Variants in DAB1 observed in about 807,000 individuals in gnomAD.
DAB1 encodes disabled homolog 1.
In DAB1, 15 loss-of-function variants were observed where a neutral mutation model predicts 64.6. The ratio of observed to expected loss-of-function variants is 0.23; its 90% CI spans 0.16 to 0.36. The LOEUF (loss-of-function observed/expected upper bound fraction) is 0.36. DAB1 is among the 10% of genes least tolerant of loss of function. The probability of loss-of-function intolerance (pLI) is 1.00; values close to 1 mark genes in which losing one functional copy is unlikely to be tolerated. For synonymous variants in DAB1, 235 were observed against 251.9 expected, an observed-to-expected ratio of 0.93 and a Z score of 0.64; for missense variants, 596 against 706.7, an observed-to-expected ratio of 0.84 and a Z score of 1.78.
intron 2 of DAB1, among the ~76,000 whole-genome samples, chr1:58,510,935 T>C (rs913759744): frequency 1.3e-5 from 2 of 151,808 alleles, no homozygotes; most frequent in African/African-American, 4.8e-5. Context: ...CCTTCTACAC[T>C]AAAAAGTATC....
chr1:57,189,790 C>T (rs1011161973), intron 2 of DAB1, among the ~76,000 whole-genome samples: 5 of 149,924 alleles, frequency 3.3e-5, no homozygotes, highest in African/African-American at 1.2e-4. Flanking sequence ...AACTCGGGTA[C>T]ATGGCCAGCT....
At chr1:57,448,769 GACAC>G (rs59445697) in intron 7 of DAB1, among the ~76,000 whole-genome samples, 107,953 of 150,398 alleles carry the variant, frequency 0.72, 40,418 homozygotes, top group Non-Finnish European at 0.82. Context: ...TAGCAATTCT[GACAC>G]ACACACACAC....
chr1:58,015,769 C>T (rs545365470), intron 5 of DAB1, among the ~76,000 whole-genome samples: 2 of 152,060 alleles, frequency 1.3e-5, no homozygotes, highest in Non-Finnish European at 1.5e-5. Flanking sequence ...AATGTGTGGT[C>T]GGGATTGAGA....
chr1:58,058,086 G>A (rs1439619369), intron 5 of DAB1, among the ~76,000 whole-genome samples: 1 of 151,956 alleles, frequency 6.6e-6, no homozygotes, highest in Non-Finnish European at 1.5e-5. Flanking sequence ...TTGCACTGTA[G>A]GATTTGTGAG....
chr1:57,019,569 G>A (rs689342), intron 11 of DAB1, among the ~76,000 whole-genome samples: 8,211 of 152,266 alleles, frequency 0.054, 321 homozygotes, highest in East Asian at 0.15. Context: ...GGCTCTCCTC[G>A]GCCTGTGAGT....
At chr1:58,225,800 G>C (rs558411418) in intron 4 of DAB1, among the ~76,000 whole-genome samples, 1 of 74,570 alleles carries the variant, frequency 1.3e-5, no homozygotes, top group African/African-American at 4.8e-5. Context: ...ATCACACACC[G>C]GGCCTGTTGT....
intron 4 of DAB1, among the ~76,000 whole-genome samples, chr1:58,206,232 C>T (rs1658273776): frequency 6.6e-6 from 1 of 152,140 alleles, no homozygotes; most frequent in Non-Finnish European, 1.5e-5. Flanking sequence ...CGGGACAACT[C>T]TAACTGGGAA....
At chr1:57,781,312 A>T (rs531002451) in intron 6 of DAB1, among the ~76,000 whole-genome samples, 12 of 151,800 alleles carry the variant, frequency 7.9e-5, no homozygotes, top group African/African-American at 2.9e-4. Flanking sequence ...CATTTAGGCT[A>T]CTTTCACTTA....
intron 5 of DAB1, among the ~76,000 whole-genome samples, chr1:58,143,758 G>A (rs985414445): frequency 1.3e-5 from 2 of 152,166 alleles, no homozygotes; most frequent in African/African-American, 2.4e-5. Flanking sequence ...GCATGGCAAA[G>A]GGTTTCACTT....
chr1:57,985,811 A>C (rs1408802165), intron 5 of DAB1, among the ~76,000 whole-genome samples: 1 of 152,098 alleles, frequency 6.6e-6, no homozygotes, highest in Non-Finnish European at 1.5e-5. Context: ...AAGCACAGAG[A>C]CTCAAATGCT....
chr1:57,386,868 T>C (rs542569814), intron 1 of DAB1: 2 of 152,282 alleles, frequency 1.3e-5, no homozygotes, highest in Admixed American at 1.3e-4. Flanking sequence ...TGTAGAATGA[T>C]TCTGCTTTAT....
At chr1:57,149,288 T>A (rs1413680961) in intron 2 of DAB1, among the ~76,000 whole-genome samples, 1 of 152,198 alleles carries the variant, frequency 6.6e-6, no homozygotes, top group Non-Finnish European at 1.5e-5. Context: ...GCTATGAACA[T>A]TTGTGTACAA....
chr1:57,456,883 G>T (rs547946592), intron 7 of DAB1, among the ~76,000 whole-genome samples: 1 of 152,082 alleles, frequency 6.6e-6, no homozygotes, highest in East Asian at 1.9e-4. Flanking sequence ...ACCCATTTTT[G>T]AAAGAGAAAA....
At chr1:57,806,220 G>A (rs1331150808) in intron 6 of DAB1, among the ~76,000 whole-genome samples, 1 of 152,008 alleles carries the variant, frequency 6.6e-6, no homozygotes, top group East Asian at 1.9e-4. Context: ...TCTTGCTTTG[G>A]GGCCTGTTAT....
intron 2 of DAB1, among the ~76,000 whole-genome samples, chr1:57,275,671 C>T (rs1430825668): frequency 6.6e-6 from 1 of 152,158 alleles, no homozygotes; most frequent in African/African-American, 2.4e-5. Flanking sequence ...AACAGCAAAG[C>T]ACACTCCGGT....
chr1:57,713,969 T>C (rs1046914556), intron 6 of DAB1, among the ~76,000 whole-genome samples: 3 of 152,162 alleles, frequency 2.0e-5, no homozygotes, highest in Non-Finnish European at 2.9e-5. Flanking sequence ...CCTACATCTG[T>C]TCCTAAGCAC....
At chr1:57,843,174 C>A (rs1653129148) in intron 1 of DAB1, among the ~76,000 whole-genome samples, 1 of 152,198 alleles carries the variant, frequency 6.6e-6, no homozygotes, top group Non-Finnish European at 1.5e-5. Flanking sequence ...ATAAGTTGAA[C>A]CCTGTAAGTC....
intron 3 of DAB1, among the ~76,000 whole-genome samples, chr1:58,454,087 GCCCAA>G (rs1409934051): frequency 1.3e-5 from 2 of 152,126 alleles, no homozygotes; most frequent in African/African-American, 4.8e-5. Flanking sequence ...AATTGGCTCA[GCCCAA>G]CTTTTTAAAT....
chr1:58,014,993 G>A (rs1444350671), intron 5 of DAB1, among the ~76,000 whole-genome samples: 3 of 152,192 alleles, frequency 2.0e-5, no homozygotes, highest in African/African-American at 7.2e-5. Context: ...CAAACCTATG[G>A]TGAATTGGCT....
Sources: allele counts gnomAD v4.1 joint callset (sites outside exome capture counted in the v4.1 genomes callset), GRCh38; gene constraint gnomAD v4.1.1; transcripts MANE v1.5; gene names NCBI Gene and HGNC (gene_info 2026-07-23, HGNC 2026-07-21).